BIRC3: variants seen among roughly 807,000 people sequenced by gnomAD.
BIRC3 encodes baculoviral IAP repeat-containing protein 3.
Under a neutral mutation model 59.0 loss-of-function variants are expected in BIRC3, and 26 were observed. The ratio of observed to expected loss-of-function variants is 0.44; its 90% CI spans 0.32 to 0.61. BIRC3 has a LOEUF of 0.61. BIRC3 is among the 20% of genes least tolerant of loss of function. The pLI, the probability that BIRC3 is intolerant of heterozygous loss-of-function variation, is 0.04. For missense variants in BIRC3, 641 were observed against 711.5 expected (o/e 0.90, Z 1.13); for synonymous variants, 243 against 249.2 (o/e 0.98, Z 0.24).
rs1297334541 is a variant in BIRC3, at chr11:102,322,047, G to T, written c.-2463G>T. On this transcript the variant is annotated 5_prime_UTR_variant, in exon 2 of 9. Transcript: ENST00000263464. The stretch of plus-strand genomic sequence containing the variant: ...TATAAACATGATCGAGTTATATAAG[G>T]TATACCATAATGAGTTTGATTTTGA... 2 of 196,686 alleles carry T rather than the reference G, an allele frequency of 1.0e-5. No individual in the cohort carries two copies. The highest frequency in any genetic ancestry group is 6.1e-5 in the Admixed American group (1 of 16,430). 12.2% of individuals were successfully genotyped at this position (196,686 alleles called of 1,614,324 possible). A position where few individuals can be genotyped will look rare whatever the true frequency, so the allele number is the denominator to read the frequency against.
In BIRC3 at chr11:102,337,314, GA is replaced by G; in HGVS notation, c.*217del. 1 of 409,578 alleles carries G rather than the reference GA, an allele frequency of 2.4e-6. No homozygotes were observed. Among genetic ancestry groups the G allele is most frequent in the Non-Finnish European group, 4.3e-6 (1 of 235,068 alleles). 25.4% of individuals were successfully genotyped at this position (409,578 alleles called of 1,614,324 possible). A position where few individuals can be genotyped will look rare whatever the true frequency, so the allele number is the denominator to read the frequency against. On this transcript the variant is annotated 3_prime_UTR_variant, in exon 9 of 9. Transcript: ENST00000263464. ...ATGATAGGCTTTTGTTCTTATGAACGAAAAAGAGGTAGCACTACAAACACAA... is the reference window on the plus strand; with the variant it reads ...ATGATAGGCTTTTGTTCTTATGAACGAAAAGAGGTAGCACTACAAACACAA...
intron 5 of BIRC3, 28 bp from the exon 6 acceptor site, chr11:102,330,971 T>C (rs765254102): frequency 3.1e-5 from 49 of 1,568,208 alleles, no homozygotes; most frequent in Non-Finnish European, 3.7e-5. Flanking sequence ...GCTATCCTAA[T>C]ATGTGTTAAA....
Position 102,325,150 on chromosome 11 carries a change from A to G in BIRC3, c.641A>G (p.Asn214Ser), listed in dbSNP as rs1951069650. 6.2e-7 allele frequency: 1 copy of G among 1,614,200 alleles called. No individual in the cohort carries two copies. Among genetic ancestry groups the G allele is most frequent in the African/African-American group, 1.3e-5 (1 of 75,064 alleles). The change falls in exon 2 of 9, where the codon AAT (asparagine) becomes AGT (serine). Residue 214 changes from asparagine (N) to serine (S), a missense_variant. Physicochemically the swap from Asn to Ser is conservative, Grantham distance 46. Around this residue, in one of 4 missense-constraint regions of BIRC3, gnomAD observed 329 missense variants for 365.6 expected, o/e 0.90. Transcript: ENST00000263464. Reference sequence around the variant, plus strand: ...TTTGCCTGTGGTGGAAAATTGAGCAATTGGGAACCGAAGGATAATGCTATG... The same window carrying G: ...TTTGCCTGTGGTGGAAAATTGAGCAGTTGGGAACCGAAGGATAATGCTATG... The part of the protein sequence containing the change: ...ACFACGGKLS[N>S]WEPKDNAMSE...
intron 3 of BIRC3, 141 bp from the exon 4 acceptor site, chr11:102,327,911 G>A: frequency 1.7e-6 from 1 of 602,102 alleles, no homozygotes; most frequent in South Asian, 2.2e-5. Context: ...TAGAATAAAT[G>A]ATCTTAAATG....
At chr11:102,336,706 A>G (rs1951200105) in intron 7 of BIRC3, 54 bp from the exon 8 acceptor site, 1 of 1,515,912 alleles carries the variant, frequency 6.6e-7, no homozygotes, top group South Asian at 1.2e-5. Flanking sequence ...TAGATTCCAT[A>G]GCTAAATATT....
At chr11:102,319,023 G>C (rs1382857073) in intron 1 of BIRC3, among the ~76,000 whole-genome samples, 1 of 151,362 alleles carries the variant, frequency 6.6e-6, no homozygotes, top group Non-Finnish European at 1.5e-5. Flanking sequence ...TGCTAGAGTG[G>C]AAAGTGTGGT....
chr11:102,320,963 T>C (rs1951025918), intron 1 of BIRC3, among the ~76,000 whole-genome samples: 1 of 152,252 alleles, frequency 6.6e-6, no homozygotes, highest in Admixed American at 6.5e-5. Context: ...TGCTAGATCT[T>C]TTGATGTTTC....
chr11:102,325,259 G>C lies in BIRC3; in HGVS notation c.750G>C (p.Leu250=), dbSNP rs924808678. ...CTTCAAGATACACAGTTTCTAATCTGAGCATGCAGACACATGCAGCCCGCT... is the reference window on the plus strand; with the variant it reads ...CTTCAAGATACACAGTTTCTAATCTCAGCATGCAGACACATGCAGCCCGCT... The part of the protein sequence containing the change: ...QDTSRYTVSN[L]SMQTHAARFK... The change falls in exon 2 of 9, where the codon CTG becomes CTC. Residue 250 remains leucine, a synonymous_variant. Transcript: ENST00000263464. 2 of 1,614,004 alleles carry C rather than the reference G, an allele frequency of 1.2e-6. No individual in the cohort carries two copies. Among genetic ancestry groups the C allele is most frequent in the Non-Finnish European group, 1.7e-6 (2 of 1,180,026 alleles).
chr11:102,321,425 G>C (rs1048336559), intron 1 of BIRC3, among the ~76,000 whole-genome samples: 2 of 152,040 alleles, frequency 1.3e-5, no homozygotes, highest in Non-Finnish European at 2.9e-5. Flanking sequence ...CACTATTTCG[G>C]CCCACTGCAA....
At chr11:102,336,660 G>C in intron 7 of BIRC3, 100 bp from the exon 8 acceptor site, 1 of 1,090,992 alleles carries the variant, frequency 9.2e-7, no homozygotes, top group East Asian at 2.4e-5. Flanking sequence ...CTTGAAATGA[G>C]TATTTGGCTA....
Position 102,336,056 on chromosome 11 carries a change from GA to G in BIRC3, c.1417del (p.Ile473LeufsTer23). ...IPILDSLLTA[G>X]IINEQEHDVI... ...ATCCTGGATAGTCTACTAACTGCCG[GA>G]ATTATTAATGAACAAGAACATGATG... On this transcript the variant is annotated frameshift_variant, in exon 7 of 9. Transcript: ENST00000263464. LOFTEE classifies it high-confidence loss of function. 6.2e-7 allele frequency: 1 copy of G among 1,613,658 alleles called. No homozygotes were observed. Among genetic ancestry groups the G allele is most frequent in the Non-Finnish European group, 8.5e-7 (1 of 1,179,862 alleles).
Position 102,328,117 on chromosome 11 carries a change from A to G in BIRC3, c.1019A>G (p.His340Arg). The G allele has an allele frequency of 6.2e-7, 1 of 1,607,916 alleles. No individual in the cohort carries two copies. ...FIRQVQASYP[H>R]LLEQLLSTSD... ...CGTCAAGTTCAAGCCAGTTACCCTC[A>G]TCTACTTGAACAGGTAGGGCAAGTT... Residue 340 changes from histidine (H) to arginine (R), a missense_variant, in exon 4 of 9, where the codon CAT becomes CGT. Coordinates refer to ENST00000263464, the MANE Select transcript of BIRC3 (RefSeq NM_001165.5).
In BIRC3 at chr11:102,321,990, C is replaced by T. The variant is rs1198920771; in HGVS notation, c.-2520C>T. Reference sequence around the variant, plus strand: ...CATGGGTAAACAAATTAAGTATTAACTGGTGTTTTACTATCCAAAGAATGC... The same window carrying T: ...CATGGGTAAACAAATTAAGTATTAATTGGTGTTTTACTATCCAAAGAATGC... On this transcript the variant is annotated 5_prime_UTR_variant, in exon 2 of 9. Transcript: ENST00000263464. The T allele has an allele frequency of 5.2e-6, 1 of 192,466 alleles. No individual in the cohort carries two copies. The highest frequency in any genetic ancestry group is 1.9e-4 in the South Asian group (1 of 5,160). 11.9% of individuals were successfully genotyped at this position (192,466 alleles called of 1,614,324 possible). A position where few individuals can be genotyped will look rare whatever the true frequency, so the allele number is the denominator to read the frequency against.
At chr11:102,318,147 A>G (rs2135779426) in intron 1 of BIRC3, among the ~76,000 whole-genome samples, 1 of 152,348 alleles carries the variant, frequency 6.6e-6, no homozygotes, top group African/African-American at 2.4e-5. Context: ...GCTAACATTA[A>G]GTACTGCTAC....
At chr11:102,319,187 G>A (rs1309662066) in intron 1 of BIRC3, among the ~76,000 whole-genome samples, 1 of 151,662 alleles carries the variant, frequency 6.6e-6, no homozygotes, top group Admixed American at 6.6e-5. Flanking sequence ...GGGACTACAG[G>A]TGCATGCCAC....
chr11:102,327,965 A>G (rs1210289301), intron 3 of BIRC3, 87 bp from the exon 4 acceptor site: 4 of 977,436 alleles, frequency 4.1e-6, no homozygotes, highest in Non-Finnish European at 6.1e-6. Flanking sequence ...AATGGAATAA[A>G]CACCTAGAGA....
In BIRC3 at chr11:102,338,223, T is replaced by G. The variant is rs1017877302; in HGVS notation, c.*1121T>G. ...TTGCTTCTTATAGAGGTATTAGGTC[T>G]TCAAGAGCAGAAGTAAGACTGTAAT... On this transcript the variant is annotated 3_prime_UTR_variant, in exon 9 of 9. Coordinates refer to ENST00000263464, the MANE Select transcript of BIRC3 (RefSeq NM_001165.5). 1.2e-4 allele frequency: 28 copies of G among 227,172 alleles called. No homozygotes were observed. The highest frequency in any genetic ancestry group is 6.0e-4 in the African/African-American group (27 of 45,096). 14.1% of individuals were successfully genotyped at this position (227,172 alleles called of 1,614,324 possible). A position where few individuals can be genotyped will look rare whatever the true frequency, so the allele number is the denominator to read the frequency against.
chr11:102,333,935 T>C (rs961300012), intron 6 of BIRC3, among the ~76,000 whole-genome samples: 1 of 152,186 alleles, frequency 6.6e-6, no homozygotes. Context: ...ACCCCATCAC[T>C]ACAAAAAATT....
At chr11:102,325,890 G>A (rs2135785257) in intron 3 of BIRC3, among the ~76,000 whole-genome samples, 1 of 152,100 alleles carries the variant, frequency 6.6e-6, no homozygotes, top group Non-Finnish European at 1.5e-5. Context: ...TACCGCCTAA[G>A]GATGAGCATG....
Sources: gnomAD v4.1 joint callset for allele counts (sites outside exome capture counted in the v4.1 genomes callset) on GRCh38, gnomAD v4.1.1 for gene constraint, gnomAD v4.1.1 regional missense constraint, MANE v1.5 for transcripts, NCBI Gene and HGNC (gene_info 2026-07-23, HGNC 2026-07-21) for gene names.